Variants in GRM7 observed in about 807,000 individuals in gnomAD.
GRM7 encodes the protein glutamate metabotropic receptor 7.
A neutral mutation model predicts 84.5 loss-of-function variants in GRM7; 35 were observed. The ratio of observed to expected loss-of-function variants is 0.41; its 90% CI spans 0.32 to 0.55. GRM7 has a LOEUF of 0.55. GRM7 is among the 20% of genes least tolerant of loss of function. The pLI is 0.19. For synonymous variants in GRM7, 487 were observed against 455.1 expected (o/e 1.07, Z -0.89); for missense variants, 1,003 against 1,194.6 (o/e 0.84, Z 2.36).
intron 1 of GRM7, among the ~76,000 whole-genome samples, chr3:6,988,860 T>C (rs1694525157): frequency 6.6e-6 from 1 of 152,222 alleles, no homozygotes; most frequent in African/African-American, 2.4e-5. Flanking sequence ...GTAGGGTTAT[T>C]TGTAGGCCAC....
chr3:7,512,461 T>G (rs1452679794), intron 7 of GRM7, among the ~76,000 whole-genome samples: 1 of 152,076 alleles, frequency 6.6e-6, no homozygotes, highest in Non-Finnish European at 1.5e-5. Context: ...AATGAGCCCC[T>G]GTGTGTGTGT....
chr3:7,604,312 A>G (rs1213471159), intron 8 of GRM7, among the ~76,000 whole-genome samples: 1 of 152,190 alleles, frequency 6.6e-6, no homozygotes, highest in Non-Finnish European at 1.5e-5. Flanking sequence ...GCATTCATTT[A>G]CTATAGAGGA....
chr3:7,721,882 A>C (rs1347673713), intron 9 of GRM7, among the ~76,000 whole-genome samples: 1 of 152,226 alleles, frequency 6.6e-6, no homozygotes, highest in Non-Finnish European at 1.5e-5. Flanking sequence ...CACTTGAATC[A>C]TACAACCTCT....
intron 2 of GRM7, among the ~76,000 whole-genome samples, chr3:7,210,287 G>T (rs1696377500): frequency 6.6e-6 from 1 of 152,170 alleles, no homozygotes; most frequent in Admixed American, 6.5e-5. Flanking sequence ...CCATCTATTA[G>T]CTACATGGCT....
At chr3:7,185,593 T>A (rs1405720131) in intron 2 of GRM7, among the ~76,000 whole-genome samples, 1 of 152,146 alleles carries the variant, frequency 6.6e-6, no homozygotes, top group East Asian at 1.9e-4. Context: ...CAATATTAGA[T>A]GTTGTCTAGG....
At chr3:7,062,768 T>C (rs1000043607) in intron 1 of GRM7, among the ~76,000 whole-genome samples, 1 of 151,908 alleles carries the variant, frequency 6.6e-6, no homozygotes, top group African/African-American at 2.4e-5. Flanking sequence ...ATGGTTGTCA[T>C]CAACACACTT....
intron 1 of GRM7, among the ~76,000 whole-genome samples, chr3:6,888,205 T>A (rs1004303018): frequency 1.8e-4 from 27 of 152,098 alleles, no homozygotes; most frequent in Admixed American, 9.2e-4. Flanking sequence ...GATGGTAGTT[T>A]CTTTTGCTGT....
chr3:7,701,386 C>T (rs576389119), intron 9 of GRM7, among the ~76,000 whole-genome samples: 5 of 150,962 alleles, frequency 3.3e-5, no homozygotes, highest in South Asian at 4.2e-4. Flanking sequence ...CTACAAGCTC[C>T]GTCTCCTGGG....
intron 8 of GRM7, among the ~76,000 whole-genome samples, chr3:7,665,379 G>C (rs1699654274): frequency 1.3e-5 from 2 of 151,816 alleles, no homozygotes; most frequent in African/African-American, 4.8e-5. Flanking sequence ...GTTTCACCGT[G>C]TTAGCCAGGA....
chr3:7,170,166 G>A (rs945377616), intron 2 of GRM7, among the ~76,000 whole-genome samples: 2 of 152,162 alleles, frequency 1.3e-5, no homozygotes, highest in Non-Finnish European at 2.9e-5. Flanking sequence ...TCTCCATCTG[G>A]AGGAGAACTG....
intron 1 of GRM7, among the ~76,000 whole-genome samples, chr3:6,958,239 CTT>C (rs60986157): frequency 1.9e-3 from 274 of 145,394 alleles, no homozygotes; most frequent in Non-Finnish European, 2.5e-3. Flanking sequence ...TGGTATCAGG[CTT>C]TTTTTTTTTT....
chr3:7,182,401 A>T (rs1695370361), intron 2 of GRM7, among the ~76,000 whole-genome samples: 1 of 152,172 alleles, frequency 6.6e-6, no homozygotes, highest in African/African-American at 2.4e-5. Context: ...ATATTTTTAA[A>T]ACATTATTGC....
intron 9 of GRM7, among the ~76,000 whole-genome samples, chr3:7,719,837 C>T (rs759188948): frequency 3.4e-4 from 48 of 142,004 alleles, no homozygotes; most frequent in Non-Finnish European, 2.7e-4. Context: ...GAAATGATAA[C>T]CTACAAAAGG....
chr3:7,371,933 A>T (rs562902891), intron 4 of GRM7, among the ~76,000 whole-genome samples: 2 of 152,240 alleles, frequency 1.3e-5, no homozygotes, highest in South Asian at 4.1e-4. Flanking sequence ...GACCCTAAAG[A>T]TACAGTTGGA....
At chr3:7,564,672 G>A (rs544363882) in intron 7 of GRM7, among the ~76,000 whole-genome samples, 8 of 152,140 alleles carry the variant, frequency 5.3e-5, no homozygotes, top group South Asian at 2.1e-4. Flanking sequence ...TAAATTAATC[G>A]TTATTTAGGT....
intron 1 of GRM7, among the ~76,000 whole-genome samples, chr3:6,955,444 G>A (rs1459011784): frequency 6.6e-6 from 1 of 152,006 alleles, no homozygotes; most frequent in African/African-American, 2.4e-5. Flanking sequence ...GACTGAGGCA[G>A]GAGAATCTCT....
chr3:7,527,450 A>C (rs1700850244), intron 7 of GRM7, among the ~76,000 whole-genome samples: 1 of 152,030 alleles, frequency 6.6e-6, no homozygotes, highest in African/African-American at 2.4e-5. Flanking sequence ...TTTCCAATGT[A>C]TAGAATAATA....
At chr3:7,657,916 G>A (rs1234224613) in intron 8 of GRM7, among the ~76,000 whole-genome samples, 1 of 152,170 alleles carries the variant, frequency 6.6e-6, no homozygotes, top group African/African-American at 2.4e-5. Context: ...CACTTCTCCA[G>A]GAATCTCTCT....
chr3:7,169,863 G>A (rs148182384), intron 2 of GRM7, among the ~76,000 whole-genome samples: 1 of 152,176 alleles, frequency 6.6e-6, no homozygotes, highest in African/African-American at 2.4e-5. Context: ...AGAAGCTCAG[G>A]AGTCTTGTAG....
Sources: gnomAD v4.1 joint callset for allele counts (sites outside exome capture counted in the v4.1 genomes callset) on GRCh38, gnomAD v4.1.1 for gene constraint, MANE v1.5 for transcripts, NCBI Gene and HGNC (gene_info 2026-07-23, HGNC 2026-07-21) for gene names.